The following AGAP1 variants were observed in gnomAD, a reference collection of about 807,000 sequenced individuals.
AGAP1 encodes ArfGAP with GTPase domain, ankyrin repeat and PH domain 1.
AGAP1 carries 29 observed loss-of-function variants against 105.3 expected under a neutral mutation model. The observed-to-expected ratio is 0.28, with a 90% CI of 0.21 to 0.38. The LOEUF (loss-of-function observed/expected upper bound fraction) is 0.38, where lower values mean the gene tolerates loss of function less well. Among genes scored for constraint, AGAP1 ranks in the 10% least tolerant of loss-of-function variants. The probability of loss-of-function intolerance (pLI) is 1.00; values close to 1 mark genes in which losing one functional copy is unlikely to be tolerated. For synonymous variants in AGAP1, 509 were observed against 485.9 expected, an observed-to-expected ratio of 1.05 and a Z score of -0.63; for missense variants, 998 against 1,165.1, an observed-to-expected ratio of 0.86 and a Z score of 2.09.
chr2:235,985,500 C>G lies in AGAP1; in HGVS notation c.1645+16877C>G, dbSNP rs538703599. Among the ~76,000 whole-genome samples the G allele has an allele frequency of 2.0e-5, 3 of 152,230 alleles. No homozygotes were observed. In the South Asian group the frequency reaches 6.2e-4, roughly 32 times the overall value. ...TGGCTTTTGTTGCAATTGCTTTTGG[C>G]ATTTTTGTCATGAAGTCTTTGCCCA... On this transcript the variant is annotated intron_variant, in intron 13 of 17. Transcript: ENST00000304032.
chr2:235,878,045 C>T (rs1463637669), intron 9 of AGAP1, among the ~76,000 whole-genome samples: 1 of 152,216 alleles, frequency 6.6e-6, no homozygotes, highest in Non-Finnish European at 1.5e-5. Flanking sequence ...AGAGAAGGGC[C>T]CACGGTGCCC....
intron 17 of AGAP1, among the ~76,000 whole-genome samples, chr2:236,122,524 G>A (rs2059923635): frequency 6.6e-6 from 1 of 152,222 alleles, no homozygotes; most frequent in South Asian, 2.1e-4. Context: ...AAGTGGAAGT[G>A]AATTCACTCT....
intron 6 of AGAP1, among the ~76,000 whole-genome samples, chr2:235,772,418 C>A (rs2149859879): frequency 6.6e-6 from 1 of 152,292 alleles, no homozygotes; most frequent in Non-Finnish European, 1.5e-5. Context: ...CAAATAGCTC[C>A]TCACCAGCAG....
At chr2:235,603,227 T>TTGCC (rs538745270) in intron 1 of AGAP1, among the ~76,000 whole-genome samples, 3 of 151,900 alleles carry the variant, frequency 2.0e-5, no homozygotes, top group Admixed American at 6.6e-5. Context: ...CGTCTCTCTC[T>TTGCC]TGCCTGCCGC....
chr2:235,503,065 C>G (rs145687879), intron 1 of AGAP1, among the ~76,000 whole-genome samples: 60 of 152,258 alleles, frequency 3.9e-4, no homozygotes, highest in African/African-American at 1.4e-3. Context: ...GCCACAAGAC[C>G]TACCCTTTTT....
chr2:235,909,960 G>T (rs2051497671), intron 11 of AGAP1, among the ~76,000 whole-genome samples: 1 of 152,060 alleles, frequency 6.6e-6, no homozygotes, highest in Non-Finnish European at 1.5e-5. Flanking sequence ...GGCAGAGGTT[G>T]CAGTGAGCCA....
rs78004780 is a variant in AGAP1 at position 235,618,084 on chromosome 2, C to T, written c.164-91095C>T. 4.4e-3 allele frequency among the ~76,000 whole-genome samples: 675 copies of T among 152,068 alleles called. 3 individuals are homozygous for T. Among genetic ancestry groups the T allele is most frequent in the African/African-American group, 0.015 (640 of 41,490 alleles). On this transcript the variant is annotated intron_variant, in intron 1 of 17. Transcript: ENST00000304032. ...TGGAAGATCTGCGTCTGTATGTGAT[C>T]GCACACATTTTGGAGGGTGGGATGT...
rs76728700 is a variant in AGAP1, at chr2:235,840,611, C to G, written c.1050+33280C>G. Reference sequence around the variant, plus strand: ...GGCAGGAGCCCAGGCAGGAGGTGGTCGGTAGAGCAGCATTCCCAGAGAGAG... The same window carrying G: ...GGCAGGAGCCCAGGCAGGAGGTGGTGGGTAGAGCAGCATTCCCAGAGAGAG... On this transcript the variant is annotated intron_variant, in intron 9 of 17. Transcript: ENST00000304032. Among the ~76,000 whole-genome samples the G allele has an allele frequency of 1.2e-4, 18 of 152,060 alleles. No homozygotes were observed. In the East Asian group the frequency reaches 3.5e-3, roughly 30 times the overall value.
chr2:235,657,111 G>T (rs1049602992), intron 1 of AGAP1, among the ~76,000 whole-genome samples: 1 of 152,148 alleles, frequency 6.6e-6, no homozygotes, highest in African/African-American at 2.4e-5. Flanking sequence ...GAGCCATGAG[G>T]GACTCTCTGC....
At chr2:235,686,027 A>G (rs897431969) in intron 1 of AGAP1, among the ~76,000 whole-genome samples, 2 of 152,322 alleles carry the variant, frequency 1.3e-5, no homozygotes, top group East Asian at 3.9e-4. Flanking sequence ...CTTAGTGAGC[A>G]GGGCGATGAC....
At chr2:236,077,726 T>C (rs913455635) in intron 16 of AGAP1, among the ~76,000 whole-genome samples, 1 of 152,232 alleles carries the variant, frequency 6.6e-6, no homozygotes, top group Non-Finnish European at 1.5e-5. Flanking sequence ...CAATGAAATA[T>C]TGAAATACCG....
chr2:236,054,069 C>G (rs1245060740), intron 16 of AGAP1, among the ~76,000 whole-genome samples: 2 of 152,218 alleles, frequency 1.3e-5, no homozygotes, highest in Non-Finnish European at 2.9e-5. Flanking sequence ...TGGCCGTACA[C>G]TTCCAGATGG....
chr2:235,815,192 G>C (rs1041050953), intron 9 of AGAP1, among the ~76,000 whole-genome samples: 1 of 152,134 alleles, frequency 6.6e-6, no homozygotes, highest in African/African-American at 2.4e-5. Context: ...GAGTCCCCAG[G>C]GCTGCCCTAA....
Position 235,555,374 on chromosome 2 carries a change from C to G in AGAP1, c.163+60525C>G, listed in dbSNP as rs946022271. Reference sequence around the variant, plus strand: ...CTGGCCACTTGCACAGGAAGATGCTCATAGATGGCTGGTTCCTGCCAGTGA... The same window carrying G: ...CTGGCCACTTGCACAGGAAGATGCTGATAGATGGCTGGTTCCTGCCAGTGA... On this transcript the variant is annotated intron_variant, in intron 1 of 17. Transcript: ENST00000304032. The surrounding 1 kb of genome is among the most constrained non-coding windows in gnomAD (Gnocchi z 5.1). Among the ~76,000 whole-genome samples, 13 of 152,160 alleles carry G rather than the reference C, an allele frequency of 8.5e-5. No homozygotes were observed. The highest frequency in any genetic ancestry group is 2.9e-5 in the Non-Finnish European group (2 of 68,028).
intron 2 of AGAP1, among the ~76,000 whole-genome samples, chr2:235,715,329 A>G (rs899086085): frequency 3.3e-5 from 5 of 152,190 alleles, no homozygotes; most frequent in African/African-American, 1.2e-4. Context: ...ATCCAGAGAC[A>G]GAGATCTTGG....
In AGAP1 at chr2:236,118,408, G is replaced by A. The variant is rs188155156; in HGVS notation, c.2115-1784G>A. On this transcript the variant is annotated intron_variant, in intron 16 of 17. Transcript: ENST00000304032. The stretch of plus-strand genomic sequence containing the variant: ...TTTTCTTTTTTTTTTTTTTTTTTTC[G>A]AGATGGAGTCTCATTCTGTTACCCA... 9.6e-3 allele frequency among the ~76,000 whole-genome samples: 1,094 copies of A among 114,332 alleles called. 11 individuals carry two copies. The highest frequency in any genetic ancestry group is 0.035 in the African/African-American group (1,012 of 29,004). 75.0% of individuals were successfully genotyped at this position (114,332 alleles called of 152,430 possible).
rs1303275781 is a variant in AGAP1, at chr2:236,124,868, G to C, written c.*746G>C. The C allele has an allele frequency of 6.5e-6, 1 of 153,684 alleles. No homozygotes were observed. The highest frequency in any genetic ancestry group is 1.5e-5 in the Non-Finnish European group (1 of 68,108). 9.5% of individuals were successfully genotyped at this position (153,684 alleles called of 1,614,324 possible). On this transcript the variant is annotated 3_prime_UTR_variant, in exon 18 of 18. Coordinates refer to ENST00000304032, the MANE Select transcript of AGAP1 (RefSeq NM_001037131.3). This position sits in a 1 kb window ranked among gnomAD's most constrained non-coding sequence, Gnocchi z 5.1. ...CCAGACATGTTCTTTCAAGCCCTTGGAGCCCTCTCTAAATTCACTGTCATC... is the reference window on the plus strand; with the variant it reads ...CCAGACATGTTCTTTCAAGCCCTTGCAGCCCTCTCTAAATTCACTGTCATC...
chr2:236,035,899 A>G lies in AGAP1; in HGVS notation c.1646-662A>G, dbSNP rs2057365259. ...TCAGGGGAGTCCAGGAACTTGCCCA[A>G]AGACTTAGATGTGGCAGGTGGGGTC... On this transcript the variant is annotated intron_variant, in intron 13 of 17. Transcript: ENST00000304032. The surrounding 1 kb of genome is among the most constrained non-coding windows in gnomAD (Gnocchi z 4.2). Among the ~76,000 whole-genome samples, 1 of 152,068 alleles carries G rather than the reference A, an allele frequency of 6.6e-6. No homozygotes were observed. The highest frequency in any genetic ancestry group is 1.5e-5 in the Non-Finnish European group (1 of 67,994).
In AGAP1 at chr2:236,129,658, C is replaced by G. The variant is rs2060056932; in HGVS notation, c.*5536C>G. The G allele has an allele frequency of 6.6e-6, 1 of 152,214 alleles. No individual in the cohort carries two copies. Among genetic ancestry groups the G allele is most frequent in the Non-Finnish European group, 1.5e-5 (1 of 68,046 alleles). 9.4% of individuals were successfully genotyped at this position (152,214 alleles called of 1,614,324 possible). A position where few individuals can be genotyped will look rare whatever the true frequency, so the allele number is the denominator to read the frequency against. On this transcript the variant is annotated 3_prime_UTR_variant, in exon 18 of 18. Coordinates refer to ENST00000304032, the MANE Select transcript of AGAP1 (RefSeq NM_001037131.3). The surrounding 1 kb of genome is among the most constrained non-coding windows in gnomAD (Gnocchi z 6.2). ...ACTGTTTCAAAACACAAACTTTATTCCCCTTAGAGAAGAAATACTGCCCTT... is the reference window on the plus strand; with the variant it reads ...ACTGTTTCAAAACACAAACTTTATTGCCCTTAGAGAAGAAATACTGCCCTT...
Sources: gnomAD v4.1 joint callset for allele counts (sites outside exome capture counted in the v4.1 genomes callset) on GRCh38, gnomAD v4.1.1 for gene constraint, Gnocchi (gnomAD v3.1) non-coding constraint, MANE v1.5 for transcripts, NCBI Gene and HGNC (gene_info 2026-07-23, HGNC 2026-07-21) for gene names.